DPYD: variants seen among roughly 807,000 people sequenced by gnomAD.
DPYD encodes the protein dihydropyrimidine dehydrogenase, also known as dihydropyrimidine dehydrogenase [NADP(+)].
Under a neutral mutation model 116.2 loss-of-function variants are expected in DPYD, and 109 were observed. That is an observed-to-expected ratio of 0.94 (90% CI 0.80 to 1.10). The LOEUF is 1.10. Among genes scored for constraint, DPYD ranks in the 50% least tolerant of loss-of-function variants. DPYD has a pLI of 0.00. For synonymous variants in DPYD, 440 were observed against 432.0 expected (o/e 1.02, Z -0.23); for missense variants, 1,302 against 1,254.5 (o/e 1.04, Z -0.57).
intron 1 of DPYD, among the ~76,000 whole-genome samples, chr1:97,892,407 A>G (rs893695911): frequency 1.8e-4 from 27 of 151,756 alleles, no homozygotes; most frequent in African/African-American, 6.3e-4. Flanking sequence ...GTGTAGAGTG[A>G]TTTAATTAAT....
intron 11 of DPYD, among the ~76,000 whole-genome samples, chr1:97,559,982 G>T (rs1652027492): frequency 6.6e-6 from 1 of 152,150 alleles, no homozygotes; most frequent in African/African-American, 2.4e-5. Context: ...GTGAGATTGA[G>T]ATAAGTTACC....
intron 19 of DPYD, among the ~76,000 whole-genome samples, chr1:97,231,030 T>C (rs2100734292): frequency 6.6e-6 from 1 of 152,336 alleles, no homozygotes; most frequent in South Asian, 2.1e-4. Flanking sequence ...TTCATTTCTA[T>C]GAGGACACAT....
Position 97,661,445 on chromosome 1 carries a change from C to A in DPYD, c.850+17650G>T, listed in dbSNP as rs568561162. 2.7e-3 allele frequency among the ~76,000 whole-genome samples: 407 copies of A among 152,194 alleles called. 2 individuals are homozygous for A. The highest frequency in any genetic ancestry group is 2.8e-3 in the Non-Finnish European group (190 of 67,988). On this transcript the variant is annotated intron_variant, in intron 8 of 22. Coordinates refer to ENST00000370192, the MANE Select transcript of DPYD (RefSeq NM_000110.4). Reference sequence around the variant, plus strand: ...AATGCATAATGCATATTTTCCTCCCCTACTTTAGGAGAATACAATATTTAA... The same window carrying A: ...AATGCATAATGCATATTTTCCTCCCATACTTTAGGAGAATACAATATTTAA...
In DPYD at chr1:97,722,322, G is replaced by T. The variant is rs1662969050; in HGVS notation, c.322-651C>A. Among the ~76,000 whole-genome samples, 3 of 151,236 alleles carry T rather than the reference G, an allele frequency of 2.0e-5. No homozygotes were observed. The South Asian group carries it at 6.3e-4, about 32-fold the overall frequency. ...GCCTAAGGACACATGACAAATAAAT[G>T]TATTGTGGTGATTTTTATGATATAC... is the stretch of plus-strand genomic sequence containing the variant. On this transcript the variant is annotated intron_variant, in intron 4 of 22. Coordinates refer to ENST00000370192, the MANE Select transcript of DPYD (RefSeq NM_000110.4).
At chr1:97,561,571 C>G (rs1252362022) in intron 11 of DPYD, among the ~76,000 whole-genome samples, 2 of 152,092 alleles carry the variant, frequency 1.3e-5, no homozygotes, top group East Asian at 3.9e-4. Context: ...AAAGGAGAAG[C>G]ATATTTAACT....
In DPYD at chr1:97,654,000, C is replaced by T. The variant is rs541529327; in HGVS notation, c.850+25095G>A. Among the ~76,000 whole-genome samples the T allele has an allele frequency of 4.6e-4, 70 of 152,242 alleles. 1 individual carries two copies. Among genetic ancestry groups the T allele is most frequent in the African/African-American group, 1.3e-3 (55 of 41,562 alleles). Reference sequence around the variant, plus strand: ...GTATCTAGCAGTGATCAATATTGTGCGTGTGCTCTCCATACATGTGCACAA... The same window carrying T: ...GTATCTAGCAGTGATCAATATTGTGTGTGTGCTCTCCATACATGTGCACAA... On this transcript the variant is annotated intron_variant, in intron 8 of 22. Coordinates refer to ENST00000370192, the MANE Select transcript of DPYD (RefSeq NM_000110.4).
intron 14 of DPYD, among the ~76,000 whole-genome samples, chr1:97,387,913 A>G (rs1229735431): frequency 6.6e-6 from 1 of 152,084 alleles, no homozygotes; most frequent in Non-Finnish European, 1.5e-5. Flanking sequence ...GTGTAATGGG[A>G]GGCCGCAGAA....
At chr1:97,279,420 T>C (rs1008716500) in intron 18 of DPYD, among the ~76,000 whole-genome samples, 1 of 152,096 alleles carries the variant, frequency 6.6e-6, no homozygotes, top group Non-Finnish European at 1.5e-5. Flanking sequence ...AGATGGTATA[T>C]AGAGCCAATT....
At chr1:97,244,595 C>T (rs1662587934) in intron 18 of DPYD, among the ~76,000 whole-genome samples, 1 of 152,014 alleles carries the variant, frequency 6.6e-6, no homozygotes, top group Non-Finnish European at 1.5e-5. Context: ...ATCATATGTA[C>T]TCTCTTTGGA....
intron 19 of DPYD, among the ~76,000 whole-genome samples, chr1:97,227,503 A>C (rs1369674071): frequency 6.6e-6 from 1 of 152,020 alleles, no homozygotes; most frequent in Non-Finnish European, 1.5e-5. Context: ...TTATATTAAA[A>C]TAGCTCACAT....
intron 7 of DPYD, chr1:97,691,216 A>T (rs1571197869): frequency 6.5e-6 from 1 of 153,508 alleles, no homozygotes; most frequent in East Asian, 1.9e-4. Flanking sequence ...TTTATTTAAC[A>T]AAATAATAAA....
intron 4 of DPYD, among the ~76,000 whole-genome samples, chr1:97,724,459 C>T (rs1333050976): frequency 2.6e-5 from 4 of 151,044 alleles, no homozygotes; most frequent in African/African-American, 9.7e-5. Flanking sequence ...CACAGAAGAG[C>T]CAATGTTTTA....
intron 18 of DPYD, among the ~76,000 whole-genome samples, chr1:97,258,117 G>A (rs953804918): frequency 6.6e-6 from 1 of 152,208 alleles, no homozygotes; most frequent in East Asian, 1.9e-4. Context: ...AGATGGATTA[G>A]GAGGGAGAGG....
At chr1:97,477,601 CTTCTTTTTTTTTTTT>C (rs1334048480) in intron 13 of DPYD, among the ~76,000 whole-genome samples, 1 of 124,474 alleles carries the variant, frequency 8.0e-6, no homozygotes, top group Non-Finnish European at 1.6e-5. Flanking sequence ...CATGACTGTT[CTTCTTTTTTTTTTTT>C]TTTTTTTTTT....
intron 19 of DPYD, among the ~76,000 whole-genome samples, chr1:97,202,502 A>G (rs1304095768): frequency 6.6e-6 from 1 of 152,178 alleles, no homozygotes; most frequent in Non-Finnish European, 1.5e-5. Context: ...TTTTCAAGGT[A>G]TATTATACTG....
In DPYD at chr1:97,918,459, G is replaced by A. The variant is rs369973834; in HGVS notation, c.39+2425C>T. On this transcript the variant is annotated intron_variant, in intron 1 of 22. Coordinates refer to ENST00000370192, the MANE Select transcript of DPYD (RefSeq NM_000110.4). ...AACAACAACAACAATTCTGAGTAAT[G>A]AGCTAGGTCCTATTACCAAGTAACA... Among the ~76,000 whole-genome samples, 284 of 152,300 alleles carry A rather than the reference G, an allele frequency of 1.9e-3. 10 individuals carry two copies. The South Asian group carries it at 0.056, about 30-fold the overall frequency.
intron 1 of DPYD, among the ~76,000 whole-genome samples, chr1:97,906,044 T>C (rs1335714404): frequency 2.6e-5 from 4 of 152,094 alleles, no homozygotes; most frequent in African/African-American, 7.2e-5. Context: ...TCTGAGTGCA[T>C]AGATCCATGA....
At chr1:97,475,189 ATT>A (rs1440201179) in intron 13 of DPYD, among the ~76,000 whole-genome samples, 3 of 152,164 alleles carry the variant, frequency 2.0e-5, no homozygotes, top group Non-Finnish European at 4.4e-5. Context: ...ATAATATTAA[ATT>A]AATGGGGAAA....
chr1:97,392,248 T>C (rs1394953755), intron 14 of DPYD, among the ~76,000 whole-genome samples: 2 of 152,056 alleles, frequency 1.3e-5, no homozygotes, highest in African/African-American at 4.8e-5. Flanking sequence ...CTTTGGTGAA[T>C]CATAATCTTT....
Sources: allele counts gnomAD v4.1 joint callset (sites outside exome capture counted in the v4.1 genomes callset), GRCh38; gene constraint gnomAD v4.1.1; transcripts MANE v1.5; gene names NCBI Gene and HGNC (gene_info 2026-07-23, HGNC 2026-07-21).